The following FANK1 variants were observed in gnomAD, a reference collection of about 807,000 sequenced individuals.
FANK1 encodes fibronectin type III and ankyrin repeat domains 1.
In FANK1, 44 loss-of-function variants were observed where a neutral mutation model predicts 45.3. The ratio of observed to expected loss-of-function variants is 0.97; its 90% CI spans 0.76 to 1.25. The LOEUF is 1.25. FANK1 is among the 50% of genes most tolerant of loss of function. FANK1 has a pLI of 0.00. For missense variants in FANK1, 391 were observed against 424.4 expected, an observed-to-expected ratio of 0.92 and a Z score of 0.69; for synonymous variants, 149 against 152.5, an observed-to-expected ratio of 0.98 and a Z score of 0.17.
At chr10:125,975,822 T>C (rs1239347160) in intron 1 of FANK1, among the ~76,000 whole-genome samples, 1 of 152,270 alleles carries the variant, frequency 6.6e-6, no homozygotes, top group Middle Eastern at 3.2e-3. Flanking sequence ...GACATTGTGC[T>C]GTTTGATCAT....
chr10:125,970,671 A>G (rs1186459145), intron 1 of FANK1, among the ~76,000 whole-genome samples: 3 of 152,206 alleles, frequency 2.0e-5, no homozygotes, highest in African/African-American at 7.2e-5. Context: ...AAAACCAGTC[A>G]GGCGTGACAG....
At chr10:125,939,732 G>T (rs1285147522) in intron 1 of FANK1, among the ~76,000 whole-genome samples, 1 of 151,920 alleles carries the variant, frequency 6.6e-6, no homozygotes, top group Non-Finnish European at 1.5e-5. Context: ...ATGATGAAGA[G>T]GCATTCATAA....
rs1403757613 is a variant in FANK1 at position 125,980,253 on chromosome 10, A to T, written c.106A>T (p.Lys36Ter). 6.2e-7 allele frequency: 1 copy of T among 1,614,218 alleles called. No individual in the cohort carries two copies. The highest frequency in any genetic ancestry group is 8.5e-7 in the Non-Finnish European group (1 of 1,180,028). ...ELYWDLEKKA[K>*]RQGPQEQWFR... ...ATACTGGGATCTGGAAAAGAAAGCCAAACGCCAAGGACCTCAAGAGCAGTG... is the reference window on the plus strand; with the variant it reads ...ATACTGGGATCTGGAAAAGAAAGCCTAACGCCAAGGACCTCAAGAGCAGTG... Residue 36 changes from lysine to a stop codon, truncating the protein, a stop_gained, in exon 2 of 11, where the codon AAA becomes TAA. Transcript: ENST00000368693. LOFTEE classifies it high-confidence loss of function.
rs1055872983 is a variant in FANK1, at chr10:125,898,889, G to A, written c.13+2234G>A. ...ATAATTCAATCACCATTTAGCTCAA[G>A]TTTTGTTGTTTTTTTTTTTTTTTGA... On this transcript the variant is annotated intron_variant, in intron 1 of 10. Transcript: ENST00000368693. Among the ~76,000 whole-genome samples, 30 of 121,602 alleles carry A rather than the reference G, an allele frequency of 2.5e-4. 1 individual carries two copies. The highest frequency in any genetic ancestry group is 2.2e-3 in the Admixed American group (27 of 12,156). 79.8% of individuals were successfully genotyped at this position (121,602 alleles called of 152,430 possible).
chr10:125,973,998 A>C (rs925961841), intron 1 of FANK1, among the ~76,000 whole-genome samples: 3 of 152,158 alleles, frequency 2.0e-5, no homozygotes, highest in Non-Finnish European at 2.9e-5. Context: ...TCATACAGCT[A>C]ATTTCTTTTA....
chr10:125,917,954 C>A (rs1441686773), intron 1 of FANK1, among the ~76,000 whole-genome samples: 26 of 151,300 alleles, frequency 1.7e-4, no homozygotes, highest in African/African-American at 6.2e-4. Context: ...TGGAACATAC[C>A]TGTAGTCCCA....
At position 125,977,342 on chromosome 10, in the gene FANK1, A is replaced by AGGG. The variant is rs545585164; in HGVS notation, c.14-2815_14-2813dup. Among the ~76,000 whole-genome samples the AGGG allele has an allele frequency of 5.7e-3, 864 of 152,174 alleles. 12 individuals carry two copies. The highest frequency in any genetic ancestry group is 0.019 in the African/African-American group (807 of 41,510). Reference sequence around the variant, plus strand: ...GCTTACTTGTTGTCTCTGGTTTCAGAGGGGGGTATGTTAATGAGGTGTTTT... The same window carrying AGGG: ...GCTTACTTGTTGTCTCTGGTTTCAGAGGGGGGGGGTATGTTAATGAGGTGTTTT... On this transcript the variant is annotated intron_variant, in intron 1 of 10. Coordinates refer to ENST00000368693, the MANE Select transcript of FANK1 (RefSeq NM_145235.5).
At chr10:126,006,773 T>TGG (rs1953243711) in intron 7 of FANK1, among the ~76,000 whole-genome samples, 1 of 152,162 alleles carries the variant, frequency 6.6e-6, no homozygotes, top group Non-Finnish European at 1.5e-5. Flanking sequence ...AGCAGGAGAA[T>TGG]TGCTTGAACC....
intron 1 of FANK1, among the ~76,000 whole-genome samples, chr10:125,970,079 C>T (rs944175494): frequency 6.6e-6 from 1 of 152,344 alleles, no homozygotes. Context: ...CCACATTTCC[C>T]CCTTTTCTAT....
intron 1 of FANK1, among the ~76,000 whole-genome samples, chr10:125,909,515 TTTTC>T (rs1356685910): frequency 6.6e-6 from 1 of 151,206 alleles, no homozygotes; most frequent in Non-Finnish European, 1.5e-5. Context: ...GTTTTCTTCT[TTTTC>T]TTTTTTTTTT....
At chr10:125,931,108 CT>C (rs1161136874) in intron 1 of FANK1, among the ~76,000 whole-genome samples, 1 of 152,170 alleles carries the variant, frequency 6.6e-6, no homozygotes, top group Non-Finnish European at 1.5e-5. Context: ...TATTTGTCTA[CT>C]TGTTGATTGA....
intron 1 of FANK1, among the ~76,000 whole-genome samples, chr10:125,945,725 G>T (rs1013066942): frequency 6.6e-6 from 1 of 152,198 alleles, no homozygotes; most frequent in African/African-American, 2.4e-5. Context: ...GCAGCCAGGA[G>T]GCTCGAACTG....
At chr10:125,951,691 G>GT (rs1424580929) in intron 1 of FANK1, among the ~76,000 whole-genome samples, 1 of 152,122 alleles carries the variant, frequency 6.6e-6, no homozygotes, top group Non-Finnish European at 1.5e-5. Flanking sequence ...AGTCTCCATT[G>GT]TTTTATAGGA....
At chr10:125,936,432 CAAAA>C (rs11405392) in intron 1 of FANK1, among the ~76,000 whole-genome samples, 14 of 115,216 alleles carry the variant, frequency 1.2e-4, no homozygotes, top group East Asian at 5.1e-4. Context: ...GATGCTGTCT[CAAAA>C]AAAAAAAAAA....
At chr10:125,991,250 G>GTGTGTGTGTGTGTGTGTGTGTGTGTGTGT (rs1554946302) in intron 3 of FANK1, among the ~76,000 whole-genome samples, 1 of 145,908 alleles carries the variant, frequency 6.9e-6, no homozygotes, top group African/African-American at 2.5e-5. Context: ...GGTGACCAGG[G>GTGTGTGTGTGTGTGTGTGTGTGTGTGTGT]GTGTGTGTGT....
chr10:126,004,727 C>T (rs1953047848), intron 6 of FANK1, 157 bp from the exon 7 acceptor site: 7 of 652,520 alleles, frequency 1.1e-5, no homozygotes, highest in South Asian at 1.9e-5. Flanking sequence ...ACATTTTGTA[C>T]ATCAGTTGAT....
intron 1 of FANK1, among the ~76,000 whole-genome samples, chr10:125,917,161 C>G (rs924131495): frequency 2.6e-5 from 4 of 152,184 alleles, no homozygotes; most frequent in Non-Finnish European, 5.9e-5. Flanking sequence ...TGTCATCAAA[C>G]TGAAACTTTA....
intron 1 of FANK1, among the ~76,000 whole-genome samples, chr10:125,934,493 G>A (rs11244708): frequency 0.13 from 19,484 of 151,864 alleles, 1,808 homozygotes; most frequent in Admixed American, 0.31. Context: ...TGAAGGCTCC[G>A]GGATGTCTGG....
chr10:125,992,506 G>T (rs1388854512), intron 3 of FANK1, among the ~76,000 whole-genome samples: 2 of 152,178 alleles, frequency 1.3e-5, no homozygotes, highest in African/African-American at 2.4e-5. Flanking sequence ...CTTCAGTGAG[G>T]TGTCCCTTTG....
Sources: allele counts gnomAD v4.1 joint callset (sites outside exome capture counted in the v4.1 genomes callset), GRCh38; gene constraint gnomAD v4.1.1; transcripts MANE v1.5; gene names NCBI Gene and HGNC (gene_info 2026-07-23, HGNC 2026-07-21).